The following PANK4 variants were observed in gnomAD, a reference collection of about 807,000 sequenced individuals.
PANK4 encodes the protein 4'-phosphopantetheine phosphatase.
A neutral mutation model predicts 87.9 loss-of-function variants in PANK4; 40 were observed. The observed-to-expected ratio is 0.46, with a 90% CI of 0.35 to 0.59. The LOEUF is 0.59. Ranked by LOEUF, PANK4 falls within the 20% of genes least tolerant of loss-of-function variation. The pLI, the probability that PANK4 is intolerant of heterozygous loss-of-function variation, is 0.00. For synonymous variants in PANK4, 524 were observed against 467.4 expected, an observed-to-expected ratio of 1.12 and a Z score of -1.56; for missense variants, 926 against 1,072.3, an observed-to-expected ratio of 0.86 and a Z score of 1.90.
At chr1:2,512,013 C>T (rs1191976204) in intron 13 of PANK4, among the ~76,000 whole-genome samples, 1 of 152,234 alleles carries the variant, frequency 6.6e-6, no homozygotes, top group Non-Finnish European at 1.5e-5. Context: ...GCTCAGGGGG[C>T]CACCAAGCAA....
In PANK4 at chr1:2,520,478, C is replaced by G. The variant is rs937929660; in HGVS notation, c.607-64G>C. 27 of 1,300,120 alleles carry G rather than the reference C, an allele frequency of 2.1e-5. No individual in the cohort carries two copies. Among genetic ancestry groups the G allele is most frequent in the Non-Finnish European group, 2.8e-5 (26 of 938,450 alleles). The allele number at this position is 1,300,120 out of a possible 1,614,324, so 80.5% of individuals were successfully genotyped here. On this transcript the variant is annotated intron_variant, in intron 4 of 18. Coordinates refer to ENST00000378466, the MANE Select transcript of PANK4 (RefSeq NM_018216.4). The surrounding 1 kb of genome is among the most constrained non-coding windows in gnomAD (Gnocchi z 6.2). Reference sequence around the variant, plus strand: ...CTCAGCCACACAGGCTCCCCCGCCCCCCGCCCCATGTGCTGCGCTGGGGTG... The same window carrying G: ...CTCAGCCACACAGGCTCCCCCGCCCGCCGCCCCATGTGCTGCGCTGGGGTG...
rs923019637 is a variant in PANK4, at chr1:2,510,595, C to T, written c.1938+83G>A. On this transcript the variant is annotated intron_variant, in intron 16 of 18. Coordinates refer to ENST00000378466, the MANE Select transcript of PANK4 (RefSeq NM_018216.4). The surrounding 1 kb of genome is among the most constrained non-coding windows in gnomAD (Gnocchi z 4.9). ...CTGCGTCCGGAGGAGCCCCGACCACCGCCAGAGGCCCACAGCGGCGCCAAC... is the reference window on the plus strand; with the variant it reads ...CTGCGTCCGGAGGAGCCCCGACCACTGCCAGAGGCCCACAGCGGCGCCAAC... 12 of 829,252 alleles carry T rather than the reference C, an allele frequency of 1.4e-5. No homozygotes were observed. The highest frequency in any genetic ancestry group is 1.2e-4 in the African/African-American group (7 of 58,302). The allele number at this position is 829,252 out of a possible 1,614,324, so 51.4% of individuals were successfully genotyped here. A position where few individuals can be genotyped will look rare whatever the true frequency, so the allele number is the denominator to read the frequency against.
rs1461621746 is a variant in PANK4, at chr1:2,526,582, C to T, written c.6G>A (p.Ala2=). The T allele has an allele frequency of 1.9e-6, 3 of 1,600,948 alleles. No homozygotes were observed. Among genetic ancestry groups the T allele is most frequent in the Admixed American group, 3.4e-5 (2 of 58,854 alleles). The part of the protein sequence containing the change: M[A]ECGASGSGSS... ...TCCCGCTGCCGCTCGCTCCACACTC[C>T]GCCATTTTGAAAGTGCCCGGCCAGC... is the stretch of plus-strand genomic sequence containing the variant. Residue 2 remains alanine, a synonymous_variant, in exon 1 of 19, where the codon GCG becomes GCA. Transcript: ENST00000378466.
intron 14 of PANK4, 85 bp from the exon 15 acceptor site, chr1:2,511,472 A>G: frequency 8.3e-7 from 1 of 1,205,858 alleles, no homozygotes; most frequent in Non-Finnish European, 1.2e-6. Flanking sequence ...TCGTCTCTCC[A>G]GGAAGCAAGT....
Position 2,510,094 on chromosome 1 carries a change from C to T in PANK4, c.2002G>A (p.Val668Met), listed in dbSNP as rs143369621. 9 of 1,611,314 alleles carry T rather than the reference C, an allele frequency of 5.6e-6. No individual in the cohort carries two copies. Among genetic ancestry groups the T allele is most frequent in the Middle Eastern group, 1.7e-4 (1 of 6,056 alleles). Residue 668 changes from valine (V) to methionine (M), a missense_variant, in exon 17 of 19, where the codon GTG becomes ATG. Physicochemically the swap from Val to Met is conservative, Grantham distance 21. Transcript: ENST00000378466. The surrounding 1 kb of genome is among the most constrained non-coding windows in gnomAD (Gnocchi z 4.9). ...TCCATGCCCGCAATACGCTCTGCCA[C>T]GATGAGGGACTCGCTGTGGGTCACG... The part of the protein sequence containing the change: ...NDVTHSESLI[V>M]AERIAGMDPV...
At chr1:2,516,781 C>G (rs940705678) in intron 9 of PANK4, among the ~76,000 whole-genome samples, 4 of 152,260 alleles carry the variant, frequency 2.6e-5, no homozygotes, top group African/African-American at 9.6e-5. Flanking sequence ...TTAACTACCA[C>G]GGACCACAGC....
At chr1:2,518,048 G>A (rs1298787855) in intron 9 of PANK4, 116 bp downstream of exon 9, 2 of 599,706 alleles carry the variant, frequency 3.3e-6, no homozygotes, top group Non-Finnish European at 5.7e-6. Context: ...ATTCGCCATG[G>A]GCAGAGGCGC....
chr1:2,509,174 T>G lies in PANK4; in HGVS notation c.2109-114A>C, dbSNP rs1170001717. ...ACCCCTACCGCTCAATTCCCTGATG[T>G]GGAGGCCTCCAAACCCAGCCTCCGC... On this transcript the variant is annotated intron_variant, in intron 18 of 18. Coordinates refer to ENST00000378466, the MANE Select transcript of PANK4 (RefSeq NM_018216.4). The surrounding 1 kb of genome is among the most constrained non-coding windows in gnomAD (Gnocchi z 4.9). The G allele has an allele frequency of 2.4e-6, 2 of 820,316 alleles. No homozygotes were observed. Among genetic ancestry groups the G allele is most frequent in the Admixed American group, 2.6e-5 (1 of 38,798 alleles). The allele number at this position is 820,316 out of a possible 1,614,324, so 50.8% of individuals were successfully genotyped here.
chr1:2,510,767 A>G lies in PANK4; in HGVS notation c.1849T>C (p.Cys617Arg), dbSNP rs752561565. ...LQRLKGPPHK[C>R]ALIFADNSGI... Reference sequence around the variant, plus strand: ...CTGTTATCTGCGAAAATTAAGGCACATTTATGAGGGGGCCCCTGTAAGACA... The same window carrying G: ...CTGTTATCTGCGAAAATTAAGGCACGTTTATGAGGGGGCCCCTGTAAGACA... Residue 617 changes from cysteine (C) to arginine (R), a missense_variant, in exon 16 of 19, where the codon TGT becomes CGT. Transcript: ENST00000378466. This position sits in a 1 kb window ranked among gnomAD's most constrained non-coding sequence, Gnocchi z 4.9. 1.1e-5 allele frequency: 17 copies of G among 1,611,004 alleles called. No homozygotes were observed. Among genetic ancestry groups the G allele is most frequent in the African/African-American group, 5.3e-5 (4 of 74,892 alleles).
At chr1:2,518,902 T>G (rs2100786685) in intron 7 of PANK4, among the ~76,000 whole-genome samples, 1 of 152,308 alleles carries the variant, frequency 6.6e-6, no homozygotes, top group East Asian at 1.9e-4. Flanking sequence ...CCAGCGCAGA[T>G]CAGCAGGCCT....
At chr1:2,511,495 C>G in intron 14 of PANK4, 108 bp from the exon 15 acceptor site, 1 of 1,107,580 alleles carries the variant, frequency 9.0e-7, no homozygotes, top group Non-Finnish European at 1.4e-6. Context: ...TCCCCGCCCC[C>G]GAAGCCCAGC....
At position 2,520,025 on chromosome 1, in the gene PANK4, G is replaced by A. The variant is rs1309304570; in HGVS notation, c.700-71C>T. ...GAATCCCCACGACCCCAGAAACCAA[G>A]CCCATGGCAGGAGGCACGCGCGGGC... is the stretch of plus-strand genomic sequence containing the variant. On this transcript the variant is annotated intron_variant, in intron 5 of 18. Coordinates refer to ENST00000378466, the MANE Select transcript of PANK4 (RefSeq NM_018216.4). The surrounding 1 kb of genome is among the most constrained non-coding windows in gnomAD (Gnocchi z 6.2). 1 of 1,432,868 alleles carries A rather than the reference G, an allele frequency of 7.0e-7. No individual in the cohort carries two copies. Among genetic ancestry groups the A allele is most frequent in the Non-Finnish European group, 9.4e-7 (1 of 1,068,562 alleles). The allele number at this position is 1,432,868 out of a possible 1,614,324, so 88.8% of individuals were successfully genotyped here.
intron 13 of PANK4, 190 bp downstream of exon 13, chr1:2,512,698 G>GGGCGCTGCGCCCTGCCCAGCCCCT (rs1243500031): frequency 9.9e-6 from 6 of 608,656 alleles, no homozygotes; most frequent in East Asian, 2.9e-5. Flanking sequence ...GGACAGACAA[G>GGGCGCTGCGCCCTGCCCAGCCCCT]GGCGCTGCGC....
Position 2,519,861 on chromosome 1 carries a change from G to T in PANK4, c.793C>A (p.Leu265Ile). ...GCGATGAGGTTCCCGCTCAGCCCGAGAGTCTGGTGGGCGCCGCCGTAGACG... is the reference window on the plus strand; with the variant it reads ...GCGATGAGGTTCCCGCTCAGCCCGATAGTCTGGTGGGCGCCGCCGTAGACG... ...RDVYGGAHQTLGLSGNLIASS... is the reference protein window; with the variant it reads ...RDVYGGAHQTIGLSGNLIASS... Residue 265 changes from leucine (L) to isoleucine (I), a missense_variant, in exon 6 of 19, where the codon CTC becomes ATC. Leu to Ile is a conservative substitution (Grantham distance 5). Coordinates refer to ENST00000378466, the MANE Select transcript of PANK4 (RefSeq NM_018216.4). The surrounding 1 kb of genome is among the most constrained non-coding windows in gnomAD (Gnocchi z 8.3). 1 of 1,571,762 alleles carries T rather than the reference G, an allele frequency of 6.4e-7. No individual in the cohort carries two copies. The highest frequency in any genetic ancestry group is 8.6e-7 in the Non-Finnish European group (1 of 1,159,008).
At position 2,518,170 on chromosome 1, in the gene PANK4, A is replaced by G. The variant is rs779433504; in HGVS notation, c.1212T>C (p.Ser404=). The G allele has an allele frequency of 1.5e-5, 24 of 1,602,026 alleles. 1 individual carries two copies. In the East Asian group the frequency reaches 1.6e-4, roughly 10 times the overall value. The part of the protein sequence containing the change: ...PELGPAQRAR[S]GTFDLLEMDR... ...GCCAGAGCCCACTACTCACAGTGCC[A>G]CTCCGCGCCCGCTGCGCCGGGCCGA... is the stretch of plus-strand genomic sequence containing the variant. Residue 404 remains serine (S), a synonymous_variant, in exon 9 of 19, where the codon AGT becomes AGC. Coordinates refer to ENST00000378466, the MANE Select transcript of PANK4 (RefSeq NM_018216.4).
At position 2,515,331 on chromosome 1, in the gene PANK4, T is replaced by C; in HGVS notation, c.1374+231A>G. 1 of 696,120 alleles carries C rather than the reference T, an allele frequency of 1.4e-6. No homozygotes were observed. The highest frequency in any genetic ancestry group is 2.6e-6 in the Non-Finnish European group (1 of 381,362). The allele number at this position is 696,120 out of a possible 1,614,324, so 43.1% of individuals were successfully genotyped here. On this transcript the variant is annotated intron_variant, in intron 10 of 18. Coordinates refer to ENST00000378466, the MANE Select transcript of PANK4 (RefSeq NM_018216.4). This position sits in a 1 kb window ranked among gnomAD's most constrained non-coding sequence, Gnocchi z 5.0. The stretch of plus-strand genomic sequence containing the variant: ...TAGCTAGCAGAACTATCAGCTGCCC[T>C]TAGAAGCAACGTGCCTCGCAGACGC...
Position 2,518,499 on chromosome 1 carries a change from C to G in PANK4, c.1117+17G>C. On this transcript the variant is annotated intron_variant, in intron 8 of 18. Coordinates refer to ENST00000378466, the MANE Select transcript of PANK4 (RefSeq NM_018216.4). ...TGAGGCCCCACGCTGCTCAGGGGCG[C>G]CAGCACCGCGACTCACTGTCCTGCT... 6.4e-7 allele frequency: 1 copy of G among 1,550,886 alleles called. No individual in the cohort carries two copies. The highest frequency in any genetic ancestry group is 8.7e-7 in the Non-Finnish European group (1 of 1,145,290).
intron 9 of PANK4, among the ~76,000 whole-genome samples, chr1:2,517,830 CAA>C (rs1643809833): frequency 6.6e-6 from 1 of 152,248 alleles, no homozygotes; most frequent in African/African-American, 2.4e-5. Flanking sequence ...GTTTCAACTC[CAA>C]AGTGGACGGG....
intron 13 of PANK4, 178 bp downstream of exon 13, chr1:2,512,710 C>T: frequency 1.5e-6 from 1 of 650,590 alleles, no homozygotes; most frequent in Non-Finnish European, 2.7e-6. Flanking sequence ...GCGCTGCGCC[C>T]TGCCCAGCCC....
Sources: allele counts gnomAD v4.1 joint callset (sites outside exome capture counted in the v4.1 genomes callset), GRCh38; gene constraint gnomAD v4.1.1; non-coding constraint Gnocchi (gnomAD v3.1); transcripts MANE v1.5; gene names NCBI Gene and HGNC (gene_info 2026-07-23, HGNC 2026-07-21).